ADD1: variants seen among roughly 807,000 people sequenced by gnomAD.
ADD1 encodes adducin 1.
ADD1 carries 24 observed loss-of-function variants against 80.5 expected under a neutral mutation model. The ratio of observed to expected loss-of-function variants is 0.30; its 90% CI spans 0.22 to 0.42. The LOEUF is 0.42. Ranked by LOEUF, ADD1 falls within the 10% of genes least tolerant of loss-of-function variation. ADD1 has a pLI of 1.00. For synonymous variants in ADD1, 373 were observed against 393.8 expected, an observed-to-expected ratio of 0.95 and a Z score of 0.63; for missense variants, 948 against 1,019.0, an observed-to-expected ratio of 0.93 and a Z score of 0.95.
At position 2,893,835 on chromosome 4, in the gene ADD1, G is replaced by C. The variant is rs535081240; in HGVS notation, c.511-178G>C. 3.9e-5 allele frequency among the ~76,000 whole-genome samples: 6 copies of C among 152,234 alleles called. No individual in the cohort carries two copies. In the South Asian group the frequency reaches 1.2e-3, roughly 32 times the overall value. On this transcript the variant is annotated intron_variant, in intron 4 of 15. Coordinates refer to ENST00000683351, the MANE Select transcript of ADD1 (RefSeq NM_001354761.2). ...AGCACTTCATATATGTGATAAATTA[G>C]TACAGTAGAATAATGGAAAGCTTCC...
rs759803548 is a variant in ADD1, at chr4:2,905,126, T to G, written c.1506+18T>G. ...ACTGCTTGGTCTGTGCCTACCTTACTGTTCATAGTTAGATGACGTAGAGCA... is the reference window on the plus strand; with the variant it reads ...ACTGCTTGGTCTGTGCCTACCTTACGGTTCATAGTTAGATGACGTAGAGCA... On this transcript the variant is annotated intron_variant, in intron 10 of 15. Transcript: ENST00000683351. 1 of 1,610,120 alleles carries G rather than the reference T, an allele frequency of 6.2e-7. No homozygotes were observed. The highest frequency in any genetic ancestry group is 1.1e-5 in the South Asian group (1 of 91,004).
intron 9 of ADD1, chr4:2,900,358 A>G (rs1342759427): frequency 1.3e-5 from 2 of 152,416 alleles, no homozygotes; most frequent in Admixed American, 6.5e-5. Flanking sequence ...GATCCCTTCC[A>G]TGCTGCACAT....
chr4:2,877,444 T>C (rs1375045584), intron 2 of ADD1, among the ~76,000 whole-genome samples: 1 of 152,140 alleles, frequency 6.6e-6, no homozygotes, highest in Non-Finnish European at 1.5e-5. Flanking sequence ...TACACAAATC[T>C]TAAGTATATA....
In ADD1 at chr4:2,926,078, C is replaced by G. The variant is rs1430939950; in HGVS notation, c.2013C>G (p.His671Gln). Reference sequence around the variant, plus strand: ...CTCCAGACCAGCCTGCGGTCCCCCACCCGCCTCCCAGCACTCCCATCAAGC... The same window carrying G: ...CTCCAGACCAGCCTGCGGTCCCCCAGCCGCCTCCCAGCACTCCCATCAAGC... Reference protein sequence around the residue: ...KSPPDQPAVPHPPPSTPIKLE... With the variant: ...KSPPDQPAVPQPPPSTPIKLE... The change falls in exon 15 of 16, where the codon CAC becomes CAG. Residue 671 changes from histidine (H) to glutamine (Q), a missense_variant. His to Gln is a conservative substitution (Grantham distance 24). Coordinates refer to ENST00000683351, the MANE Select transcript of ADD1 (RefSeq NM_001354761.2). This position sits in a 1 kb window ranked among gnomAD's most constrained non-coding sequence, Gnocchi z 5.0. 1 of 1,614,184 alleles carries G rather than the reference C, an allele frequency of 6.2e-7. No homozygotes were observed. The highest frequency in any genetic ancestry group is 1.1e-5 in the South Asian group (1 of 91,086).
In ADD1 at chr4:2,894,601, G is replaced by T. The variant is rs775574808; in HGVS notation, c.611G>T (p.Gly204Val). The T allele has an allele frequency of 3.7e-6, 6 of 1,606,894 alleles. No individual in the cohort carries two copies. The highest frequency in any genetic ancestry group is 5.1e-6 in the Non-Finnish European group (6 of 1,177,220). Reference protein sequence around the residue: ...ASSLVKINLQGDIVDRGSTNL... With the variant: ...ASSLVKINLQVDIVDRGSTNL... ...TTTCAGGTTAAGATCAATCTACAAG[G>T]AGATATAGTAGATCGTGGAAGCACT... Residue 204 changes from glycine to valine, a missense_variant, in exon 6 of 16, where the codon GGA (glycine) becomes GTA (valine). Transcript: ENST00000683351.
At chr4:2,899,073 T>A (rs1296860844) in intron 8 of ADD1, 186 bp from the exon 9 acceptor site, 1 of 642,296 alleles carries the variant, frequency 1.6e-6, no homozygotes, top group Non-Finnish European at 2.6e-6. Flanking sequence ...GCCCAATATT[T>A]TTGTCATGCT....
intron 1 of ADD1, among the ~76,000 whole-genome samples, chr4:2,866,762 A>G (rs1729617915): frequency 6.6e-6 from 1 of 152,106 alleles, no homozygotes; most frequent in Non-Finnish European, 1.5e-5. Context: ...TGAGCCGGCC[A>G]TTTATTTATT....
At chr4:2,907,618 C>G in intron 10 of ADD1, 125 bp from the exon 11 acceptor site, 2 of 819,856 alleles carry the variant, frequency 2.4e-6, no homozygotes, top group Non-Finnish European at 4.1e-6. Flanking sequence ...TAGATGTGGT[C>G]ATTGGTTCAG....
In ADD1 at chr4:2,903,911, G is replaced by T. The variant is rs576358689; in HGVS notation, c.1162-853G>T. On this transcript the variant is annotated intron_variant, in intron 9 of 15. Coordinates refer to ENST00000683351, the MANE Select transcript of ADD1 (RefSeq NM_001354761.2). The stretch of plus-strand genomic sequence containing the variant: ...GCTGTCTTTTACCACAGAGCACATG[G>T]TCATGAGGCAGAGCTGGAGGTGAAT... Among the ~76,000 whole-genome samples, 5 of 152,328 alleles carry T rather than the reference G, an allele frequency of 3.3e-5. No homozygotes were observed. In the South Asian group the frequency reaches 1.0e-3, roughly 32 times the overall value.
At chr4:2,883,053 G>A (rs1732632118) in intron 3 of ADD1, among the ~76,000 whole-genome samples, 1 of 152,164 alleles carries the variant, frequency 6.6e-6, no homozygotes, top group East Asian at 1.9e-4. Flanking sequence ...AGTAGAGACG[G>A]ATTTCGCCAT....
chr4:2,890,297 G>C (rs1399722372), intron 4 of ADD1, among the ~76,000 whole-genome samples: 2 of 151,988 alleles, frequency 1.3e-5, no homozygotes, highest in East Asian at 1.9e-4. Context: ...TTTCACAGAA[G>C]GGGAAATAAG....
chr4:2,881,655 T>C (rs960240509), intron 2 of ADD1: 3 of 360,034 alleles, frequency 8.3e-6, no homozygotes, highest in Non-Finnish European at 9.9e-6. Context: ...CCTTGAATGT[T>C]TCCTTAAAAT....
chr4:2,863,219 A>ATTTTTTTT (rs34312305), intron 1 of ADD1, among the ~76,000 whole-genome samples: 2 of 123,758 alleles, frequency 1.6e-5, no homozygotes, highest in Non-Finnish European at 1.7e-5. Flanking sequence ...CTAATTTTTA[A>ATTTTTTTT]TTTTTTTTTT....
intron 1 of ADD1, among the ~76,000 whole-genome samples, chr4:2,847,802 C>T (rs1018013937): frequency 3.3e-5 from 5 of 152,146 alleles, no homozygotes; most frequent in African/African-American, 9.7e-5. Context: ...AGGGAGCTTC[C>T]AGGTCACAAG....
At chr4:2,908,473 T>G in intron 11 of ADD1, 42 bp from the exon 12 acceptor site, 1 of 1,570,034 alleles carries the variant, frequency 6.4e-7, no homozygotes, top group Non-Finnish European at 8.8e-7. Context: ...GCAGCATGGC[T>G]GCTCAGGACT....
At chr4:2,894,154 C>A in intron 5 of ADD1, 61 bp downstream of exon 5, 1 of 1,319,502 alleles carries the variant, frequency 7.6e-7, no homozygotes. Context: ...CATTCAACAT[C>A]TTCAGATCAG....
intron 14 of ADD1, among the ~76,000 whole-genome samples, chr4:2,921,955 A>T (rs1393356340): frequency 1.3e-5 from 2 of 151,544 alleles, no homozygotes; most frequent in Non-Finnish European, 2.9e-5. Context: ...TGCCTCACGA[A>T]GTTCTCATGC....
In ADD1 at chr4:2,884,663, C is replaced by A; in HGVS notation, c.507C>A (p.Ile169=). The A allele has an allele frequency of 6.2e-7, 1 of 1,604,416 alleles. No homozygotes were observed. The highest frequency in any genetic ancestry group is 8.5e-7 in the Non-Finnish European group (1 of 1,173,980). Residue 169 remains isoleucine (I), a synonymous_variant, in exon 4 of 16, where the codon ATC becomes ATA. Transcript: ENST00000683351. ...FGWSQLIYNH[I]TTRVNSEQEH... ...GGTCTCAGCTTATCTACAATCATAT[C>A]ACAGTGAGTATTAAATGGGCTAGTA...
At chr4:2,852,823 C>T (rs1227441372) in intron 1 of ADD1, among the ~76,000 whole-genome samples, 3 of 151,684 alleles carry the variant, frequency 2.0e-5, no homozygotes, top group Non-Finnish European at 4.4e-5. Flanking sequence ...ACCCAGCTTC[C>T]TGAGCAGCTG....
Sources: allele counts gnomAD v4.1 joint callset (sites outside exome capture counted in the v4.1 genomes callset), GRCh38; gene constraint gnomAD v4.1.1; non-coding constraint Gnocchi (gnomAD v3.1); transcripts MANE v1.5; gene names NCBI Gene and HGNC (gene_info 2026-07-23, HGNC 2026-07-21).